CENPT: variants seen among roughly 807,000 people sequenced by gnomAD.
The protein encoded by CENPT is interphase centromere complex protein 22.
A neutral mutation model predicts 59.7 loss-of-function variants in CENPT; 42 were observed. The ratio of observed to expected loss-of-function variants is 0.70; its 90% CI spans 0.55 to 0.91. CENPT has a LOEUF of 0.91. CENPT is among the 40% of genes least tolerant of loss of function. The pLI is 0.00. For synonymous variants in CENPT, 295 were observed against 289.6 expected (o/e 1.02, Z -0.19); for missense variants, 716 against 713.4 (o/e 1.00, Z -0.04).
At position 67,831,902 on chromosome 16, in the gene CENPT, G is replaced by C. The variant is rs746263011; in HGVS notation, c.387-12C>G. ...GTTGCAGCTCCAGGCTATAAGAATGGAGCTTATCTCAGACAGGCCAGGAAG... is the reference window on the plus strand; with the variant it reads ...GTTGCAGCTCCAGGCTATAAGAATGCAGCTTATCTCAGACAGGCCAGGAAG... On this transcript the variant is annotated splice_polypyrimidine_tract_variant and intron_variant, in intron 7 of 15. Coordinates refer to ENST00000562787, the MANE Select transcript of CENPT (RefSeq NM_025082.4). 8.7e-6 allele frequency: 14 copies of C among 1,610,110 alleles called. No homozygotes were observed. The highest frequency in any genetic ancestry group is 1.3e-5 in the African/African-American group (1 of 74,652).
At chr16:67,830,664 G>A in intron 10 of CENPT, 116 bp from the exon 11 acceptor site, 1 of 1,083,698 alleles carries the variant, frequency 9.2e-7, no homozygotes, top group Non-Finnish European at 1.4e-6. Context: ...GGCCTGGACA[G>A]TGGGCTGCAT....
At position 67,833,861 on chromosome 16, in the gene CENPT, G is replaced by A. The variant is rs780234221; in HGVS notation, c.-2C>T. 17 of 1,531,216 alleles carry A rather than the reference G, an allele frequency of 1.1e-5. No homozygotes were observed. The highest frequency in any genetic ancestry group is 1.4e-5 in the Non-Finnish European group (16 of 1,142,050). The allele number at this position is 1,531,216 out of a possible 1,614,324, so 94.9% of individuals were successfully genotyped here. A position where few individuals can be genotyped will look rare whatever the true frequency, so the allele number is the denominator to read the frequency against. On this transcript the variant is annotated 5_prime_UTR_variant, in exon 4 of 16. The change creates a new upstream start codon in the 5' untranslated region. Coordinates refer to ENST00000562787, the MANE Select transcript of CENPT (RefSeq NM_025082.4). ...GCTGTCAGGGTTGTGGTCAGCCATC[G>A]TCTCGGCCCCGGGCCCTCCTAACCG... is the stretch of plus-strand genomic sequence containing the variant.
At chr16:67,844,368 C>A (rs1193620355) in intron 1 of CENPT, among the ~76,000 whole-genome samples, 2 of 152,164 alleles carry the variant, frequency 1.3e-5, no homozygotes, top group Non-Finnish European at 2.9e-5. Flanking sequence ...CTTATAAGGT[C>A]CTCACAGAGT....
In CENPT at chr16:67,830,005, C is replaced by T. The variant is rs370083624; in HGVS notation, c.946G>A (p.Gly316Ser). The change falls in exon 12 of 16, where the codon GGT becomes AGT. Residue 316 changes from glycine (G) to serine (S), a missense_variant. Transcript: ENST00000562787. ...FALGFLSTSS[G>S]VSGEDEVEPL... ...TCTACTTCATCTTCTCCAGAGACAC[C>T]ACTGCTGGTGCTCAGGAAGCCCAGA... The T allele has an allele frequency of 5.6e-6, 9 of 1,614,092 alleles. No individual in the cohort carries two copies. In the Admixed American group the frequency reaches 1.2e-4, roughly 21 times the overall value.
At chr16:67,830,725 G>A in intron 10 of CENPT, 177 bp from the exon 11 acceptor site, 1 of 616,152 alleles carries the variant, frequency 1.6e-6, no homozygotes, top group Admixed American at 3.2e-5. Flanking sequence ...AGCACGCGAG[G>A]CCTTATCGCC....
chr16:67,847,574 TCTTACCGCGCC>T lies in CENPT; in HGVS notation c.-676_-666del, dbSNP rs920463355. The T allele has an allele frequency of 1.3e-5, 2 of 152,422 alleles. No homozygotes were observed. Among genetic ancestry groups the T allele is most frequent in the African/African-American group, 4.8e-5 (2 of 41,474 alleles). The allele number at this position is 152,422 out of a possible 1,614,324, so 9.4% of individuals were successfully genotyped here. A position where few individuals can be genotyped will look rare whatever the true frequency, so the allele number is the denominator to read the frequency against. ...TGTCTGCCCCTCGGAAGTGTACGTT[TCTTACCGCGCC>T]CTTTGTGGAGCCCGGACTGGAGTTC... On this transcript the variant is annotated 5_prime_UTR_variant, in exon 1 of 16. Coordinates refer to ENST00000562787, the MANE Select transcript of CENPT (RefSeq NM_025082.4).
At chr16:67,840,689 C>G (rs537849559) in intron 1 of CENPT, among the ~76,000 whole-genome samples, 28 of 151,982 alleles carry the variant, frequency 1.8e-4, no homozygotes, top group African/African-American at 6.8e-4. Context: ...CGCGGTGACA[C>G]GAGTTCACCT....
In CENPT at chr16:67,843,060, C is replaced by T. The variant is rs1274113256; in HGVS notation, c.-492+4341G>A. 1.2e-6 allele frequency: 2 copies of T among 1,611,926 alleles called. No homozygotes were observed. Among genetic ancestry groups the T allele is most frequent in the South Asian group, 2.2e-5 (2 of 91,092 alleles). ...CAGGCCACTGTAGACAGCAGTCAGG[C>T]TCCGGGATCCGTACAGCCGGCGCCC... On this transcript the variant is annotated intron_variant, in intron 1 of 15. Coordinates refer to ENST00000562787, the MANE Select transcript of CENPT (RefSeq NM_025082.4). The surrounding 1 kb of genome is among the most constrained non-coding windows in gnomAD (Gnocchi z 5.7).
chr16:67,832,611 C>T lies in CENPT; in HGVS notation c.111-66G>A. ...GAGGGATAGAGAATATAGAGACATGCCTTCATCAGGGGTCTTGGTCTGGAG... is the reference window on the plus strand; with the variant it reads ...GAGGGATAGAGAATATAGAGACATGTCTTCATCAGGGGTCTTGGTCTGGAG... On this transcript the variant is annotated intron_variant, in intron 4 of 15. Transcript: ENST00000562787. The T allele has an allele frequency of 2.8e-6, 4 of 1,413,824 alleles. No homozygotes were observed. The South Asian group carries it at 3.6e-5, about 13-fold the overall frequency. 87.6% of individuals were successfully genotyped at this position (1,413,824 alleles called of 1,614,324 possible).
chr16:67,831,369 G>A lies in CENPT; in HGVS notation c.561-11C>T, dbSNP rs2057687227. 1 of 1,611,200 alleles carries A rather than the reference G, an allele frequency of 6.2e-7. No homozygotes were observed. Among genetic ancestry groups the A allele is most frequent in the South Asian group, 1.1e-5 (1 of 90,996 alleles). On this transcript the variant is annotated splice_polypyrimidine_tract_variant and intron_variant, in intron 9 of 15. Coordinates refer to ENST00000562787, the MANE Select transcript of CENPT (RefSeq NM_025082.4). The stretch of plus-strand genomic sequence containing the variant: ...GTCAGGTTGAGGGATCTGGTGAGGT[G>A]GGGAGGCACAGAGGAAAGTCAGGTA...
At chr16:67,840,470 T>C (rs2057754214) in intron 1 of CENPT, among the ~76,000 whole-genome samples, 1 of 152,014 alleles carries the variant, frequency 6.6e-6, no homozygotes, top group Admixed American at 6.6e-5. Flanking sequence ...GGGGCCATTA[T>C]CCTTAGCAAA....
chr16:67,829,293 A>G (rs2057653017), intron 13 of CENPT, 130 bp downstream of exon 13: 2 of 727,096 alleles, frequency 2.8e-6, no homozygotes, highest in African/African-American at 1.8e-5. Flanking sequence ...AGCTCTCCCC[A>G]GCCCAGCTGA....
chr16:67,838,932 CAAAAAA>C (rs58802560), intron 1 of CENPT, among the ~76,000 whole-genome samples: 1 of 86,088 alleles, frequency 1.2e-5, no homozygotes, highest in East Asian at 3.3e-4. Context: ...GACTCTGTCT[CAAAAAA>C]AAAAAAAAAA....
At chr16:67,840,930 C>A (rs899439340) in intron 1 of CENPT, among the ~76,000 whole-genome samples, 2 of 149,868 alleles carry the variant, frequency 1.3e-5, no homozygotes, top group African/African-American at 2.5e-5. Flanking sequence ...GAGGCCGAGG[C>A]GAGCAGATTG....
rs2057774676 is a variant in CENPT, at chr16:67,842,931, AG to A, written c.-492+4469del. The A allele has an allele frequency of 2.5e-6, 4 of 1,603,700 alleles. No homozygotes were observed. Among genetic ancestry groups the A allele is most frequent in the Middle Eastern group, 1.7e-4 (1 of 6,060 alleles). ...CAGCAGCAGCAGCAACAGCAGCAGC[AG>A]CAGCAGCAGCAGCAGCAGTCCTCAC... On this transcript the variant is annotated intron_variant, in intron 1 of 15. Coordinates refer to ENST00000562787, the MANE Select transcript of CENPT (RefSeq NM_025082.4). The surrounding 1 kb of genome is among the most constrained non-coding windows in gnomAD (Gnocchi z 4.9).
intron 1 of CENPT, among the ~76,000 whole-genome samples, chr16:67,840,082 C>T (rs897065246): frequency 1.2e-4 from 18 of 151,882 alleles, no homozygotes; most frequent in African/African-American, 4.1e-4. Flanking sequence ...TTTGGGAGGC[C>T]GAGGCGGGCG....
intron 1 of CENPT, chr16:67,841,543 C>T (rs965369920): frequency 1.3e-5 from 2 of 152,022 alleles, no homozygotes; most frequent in Admixed American, 6.6e-5. Flanking sequence ...CTCTGCTCTC[C>T]TGTTAATTCC....
In CENPT at chr16:67,840,405, G is replaced by A. The variant is rs1003022008; in HGVS notation, c.-491-4747C>T. 3.9e-5 allele frequency among the ~76,000 whole-genome samples: 6 copies of A among 152,200 alleles called. No homozygotes were observed. The South Asian group carries it at 6.2e-4, about 16-fold the overall frequency. On this transcript the variant is annotated intron_variant, in intron 1 of 15. Transcript: ENST00000562787. The stretch of plus-strand genomic sequence containing the variant: ...GCTATCAGGAGAGAAAAAAGGACAA[G>A]AAAAATTGGGAGGTGACCACGATCA...
In CENPT at chr16:67,834,052, T is replaced by A; in HGVS notation, c.-193A>T. 2.1e-6 allele frequency: 1 copy of A among 487,258 alleles called. No homozygotes were observed. The highest frequency in any genetic ancestry group is 3.5e-5 in the East Asian group (1 of 28,334). The allele number at this position is 487,258 out of a possible 1,614,324, so 30.2% of individuals were successfully genotyped here. On this transcript the variant is annotated 5_prime_UTR_variant, in exon 4 of 16. Coordinates refer to ENST00000562787, the MANE Select transcript of CENPT (RefSeq NM_025082.4). ...GCTTTGGAGGCAGCCTCGCTGCGGGTAAACCTCGGTTAATGTAATGCAAGC... is the reference window on the plus strand; with the variant it reads ...GCTTTGGAGGCAGCCTCGCTGCGGGAAAACCTCGGTTAATGTAATGCAAGC...
Sources: gnomAD v4.1 joint callset for allele counts (sites outside exome capture counted in the v4.1 genomes callset) on GRCh38, gnomAD v4.1.1 for gene constraint, Gnocchi (gnomAD v3.1) non-coding constraint, MANE v1.5 for transcripts, NCBI Gene and HGNC (gene_info 2026-07-23, HGNC 2026-07-21) for gene names.